The following RAP1GAP2 variants were observed in gnomAD, a reference collection of about 807,000 sequenced individuals.
RAP1GAP2 encodes the protein RAP1 GTPase activating protein 2.
RAP1GAP2 carries 27 observed loss-of-function variants against 95.0 expected under a neutral mutation model. That is an observed-to-expected ratio of 0.28 (90% CI 0.21 to 0.39). RAP1GAP2 has a LOEUF of 0.39. RAP1GAP2 is among the 10% of genes least tolerant of loss of function. The pLI is 1.00. For synonymous variants in RAP1GAP2, 373 were observed against 380.9 expected (o/e 0.98, Z 0.24); for missense variants, 771 against 970.0 (o/e 0.79, Z 2.72).
intron 2 of RAP1GAP2, among the ~76,000 whole-genome samples, chr17:2,815,921 A>G (rs1337368732): frequency 6.6e-6 from 1 of 152,236 alleles, no homozygotes; most frequent in African/African-American, 2.4e-5. Context: ...TGCTGAGGAC[A>G]GAGCATCCCT....
chr17:2,800,733 G>A (rs2069252968), intron 2 of RAP1GAP2, among the ~76,000 whole-genome samples, 183 bp downstream of exon 2: 2 of 152,184 alleles, frequency 1.3e-5, no homozygotes, highest in Non-Finnish European at 2.9e-5. Context: ...GGGGTGTTCA[G>A]GGAGAGGTAG....
At chr17:2,980,890 C>G (rs1322623617) in intron 9 of RAP1GAP2, among the ~76,000 whole-genome samples, 1 of 152,180 alleles carries the variant, frequency 6.6e-6, no homozygotes, top group African/African-American at 2.4e-5. Flanking sequence ...GCAGGAATGT[C>G]ACAGAATTGT....
At chr17:2,950,061 C>CTTCTTCTTCTTTTTT (rs1555575129) in intron 3 of RAP1GAP2, among the ~76,000 whole-genome samples, 6 of 141,260 alleles carry the variant, frequency 4.2e-5, no homozygotes, top group African/African-American at 1.6e-4. Context: ...TCTTCTTCTT[C>CTTCTTCTTCTTTTTT]TTTTTTTTTT....
chr17:2,925,462 C>T (rs571094492), intron 3 of RAP1GAP2, among the ~76,000 whole-genome samples: 19 of 152,260 alleles, frequency 1.2e-4, no homozygotes, highest in Admixed American at 3.3e-4. Context: ...CTTCCAAACA[C>T]GTAAACCCAT....
chr17:2,807,266 CT>C (rs1567665474), intron 2 of RAP1GAP2, among the ~76,000 whole-genome samples: 1 of 152,194 alleles, frequency 6.6e-6, no homozygotes, highest in Non-Finnish European at 1.5e-5. Context: ...ATTCCCCCAC[CT>C]TTGGCCACTG....
chr17:2,808,407 A>G lies in RAP1GAP2; in HGVS notation c.80+7857A>G, dbSNP rs78811834. Among the ~76,000 whole-genome samples the G allele has an allele frequency of 4.0e-3, 604 of 151,340 alleles. 2 individuals carry two copies. Among genetic ancestry groups the G allele is most frequent in the African/African-American group, 0.014 (561 of 41,226 alleles). Reference sequence around the variant, plus strand: ...TTTGGGCGGGGAAGGAGGGAGTAAGACTCTGAATGTAAAATCTTCCCTCCA... The same window carrying G: ...TTTGGGCGGGGAAGGAGGGAGTAAGGCTCTGAATGTAAAATCTTCCCTCCA... On this transcript the variant is annotated intron_variant, in intron 2 of 24. Transcript: ENST00000254695.
intron 13 of RAP1GAP2, 41 bp downstream of exon 13, chr17:2,995,507 G>A (rs2045919386): frequency 9.9e-6 from 16 of 1,610,330 alleles, no homozygotes; most frequent in Non-Finnish European, 1.2e-5. Context: ...CAGGGCGGGC[G>A]AGGTGAGGGC....
At chr17:2,769,331 G>A (rs1208644878) in intron 1 of RAP1GAP2, among the ~76,000 whole-genome samples, 6 of 149,406 alleles carry the variant, frequency 4.0e-5, no homozygotes, top group East Asian at 2.0e-4. Context: ...CGAGGCGGGC[G>A]GATCACGAGG....
chr17:2,900,701 C>T (rs2041999666), intron 2 of RAP1GAP2, among the ~76,000 whole-genome samples: 1 of 152,216 alleles, frequency 6.6e-6, no homozygotes, highest in Non-Finnish European at 1.5e-5. Context: ...TTTTGCCTCC[C>T]AAAGTGCTGG....
chr17:3,002,743 C>G (rs1025786564), intron 14 of RAP1GAP2, among the ~76,000 whole-genome samples: 1 of 152,158 alleles, frequency 6.6e-6, no homozygotes, highest in Non-Finnish European at 1.5e-5. Flanking sequence ...GGCCGGGCTG[C>G]CTGGGGTTCT....
rs562439282 is a variant in RAP1GAP2 at position 2,796,783 on chromosome 17, G to A, written c.44+212G>A. ...CTGTCCCTGGGCACAATCTGCTGGC[G>A]AATCCTGGAGGTCTGCGCCGGCTGC... On this transcript the variant is annotated intron_variant, in intron 1 of 24. Coordinates refer to ENST00000254695, the MANE Select transcript of RAP1GAP2 (RefSeq NM_015085.5). This position sits in a 1 kb window ranked among gnomAD's most constrained non-coding sequence, Gnocchi z 4.7. 3.9e-5 allele frequency among the ~76,000 whole-genome samples: 6 copies of A among 152,292 alleles called. No homozygotes were observed. The highest frequency in any genetic ancestry group is 7.4e-5 in the Non-Finnish European group (5 of 68,024).
At chr17:3,001,742 A>G (rs1033140588) in intron 14 of RAP1GAP2, among the ~76,000 whole-genome samples, 25 of 152,350 alleles carry the variant, frequency 1.6e-4, no homozygotes, top group African/African-American at 5.1e-4. Flanking sequence ...GAATGAAGCC[A>G]TGTGATAGGA....
intron 17 of RAP1GAP2, among the ~76,000 whole-genome samples, chr17:3,013,627 CTTTTCTTTTTTTTT>C (rs1336609722): frequency 5.1e-5 from 4 of 78,932 alleles, no homozygotes; most frequent in Admixed American, 1.7e-4. Flanking sequence ...CTTTTCTTTT[CTTTTCTTTTTTTTT>C]TTTTTTTTTT....
In RAP1GAP2 at chr17:2,991,353, C is replaced by A; in HGVS notation, c.870C>A (p.Phe290Leu). The A allele has an allele frequency of 6.2e-7, 1 of 1,606,246 alleles. No homozygotes were observed. Among genetic ancestry groups the A allele is most frequent in the Non-Finnish European group, 8.5e-7 (1 of 1,176,534 alleles). ...NNEESPAFKEFLDLLGDTITL... is the reference protein window; with the variant it reads ...NNEESPAFKELLDLLGDTITL... ...AGGAGAGCCCAGCTTTTAAGGAGTT[C>A]TTGGACCTGCTGGGGGACACGATCA... Residue 290 changes from phenylalanine to leucine, a missense_variant, in exon 12 of 25, where the codon TTC (phenylalanine) becomes TTA (leucine). Phe to Leu is a conservative substitution (Grantham distance 22). Transcript: ENST00000254695.
At chr17:2,858,785 T>C (rs1373564604) in intron 2 of RAP1GAP2, among the ~76,000 whole-genome samples, 2 of 151,992 alleles carry the variant, frequency 1.3e-5, no homozygotes, top group African/African-American at 4.8e-5. Context: ...TGGTGGCATG[T>C]GCCTTTGGTC....
intron 11 of RAP1GAP2, among the ~76,000 whole-genome samples, chr17:2,988,851 G>C (rs2045648686): frequency 6.6e-6 from 1 of 152,166 alleles, no homozygotes; most frequent in South Asian, 2.1e-4. Flanking sequence ...CACGAGGTCA[G>C]GAGATTGAGA....
intron 3 of RAP1GAP2, among the ~76,000 whole-genome samples, chr17:2,946,320 T>G (rs1344111511): frequency 6.6e-6 from 1 of 152,188 alleles, no homozygotes; most frequent in African/African-American, 2.4e-5. Flanking sequence ...CTCTTCTATT[T>G]TTGGAAGAGT....
upstream of RAP1GAP2, among the ~76,000 whole-genome samples, chr17:2,773,424 T>G (rs1479134581): frequency 2.6e-5 from 4 of 152,156 alleles, no homozygotes; most frequent in African/African-American, 9.7e-5. Flanking sequence ...CTTCTTGTGG[T>G]CAGGTCCTTG....
chr17:2,805,774 GTC>G (rs1421917197), intron 2 of RAP1GAP2, among the ~76,000 whole-genome samples: 3 of 150,044 alleles, frequency 2.0e-5, no homozygotes, highest in Non-Finnish European at 3.0e-5. Flanking sequence ...GTGTGTGTCT[GTC>G]TGTCTGTCTG....
Sources: gnomAD v4.1 joint callset for allele counts (sites outside exome capture counted in the v4.1 genomes callset) on GRCh38, gnomAD v4.1.1 for gene constraint, Gnocchi (gnomAD v3.1) non-coding constraint, MANE v1.5 for transcripts, NCBI Gene and HGNC (gene_info 2026-07-23, HGNC 2026-07-21) for gene names.